The following METTL15 variants were observed in gnomAD, a reference collection of about 807,000 sequenced individuals.
METTL15 encodes the protein methyltransferase 15, mitochondrial 12S rRNA N4-cytidine.
In METTL15, 34 loss-of-function variants were observed where a neutral mutation model predicts 38.3. The observed-to-expected ratio is 0.89, with a 90% CI of 0.68 to 1.18. The LOEUF is 1.18. Among genes scored for constraint, METTL15 ranks in the 50% most tolerant of loss-of-function variants. METTL15 has a pLI of 0.00. For missense variants in METTL15, 438 were observed against 498.4 expected (o/e 0.88, Z 1.15); for synonymous variants, 162 against 170.9 (o/e 0.95, Z 0.41).
chr11:28,464,322 G>T (rs1311209653), intron 6 of METTL15, among the ~76,000 whole-genome samples: 1 of 152,110 alleles, frequency 6.6e-6, no homozygotes, highest in Non-Finnish European at 1.5e-5. Context: ...TCTGAAAAAA[G>T]CCAAATAGTA....
chr11:28,486,381 T>C (rs929620384), intron 6 of METTL15, among the ~76,000 whole-genome samples: 4 of 151,916 alleles, frequency 2.6e-5, no homozygotes, highest in African/African-American at 9.7e-5. Context: ...GAAAAAAGAA[T>C]GTGTTTTTTC....
At chr11:28,501,863 AC>A (rs1348764292) in intron 6 of METTL15, among the ~76,000 whole-genome samples, 1 of 152,058 alleles carries the variant, frequency 6.6e-6, no homozygotes, top group Non-Finnish European at 1.5e-5. Context: ...ACTTTGGGAG[AC>A]CGAGGCAGGC....
At chr11:28,174,389 G>A (rs537505723) in intron 3 of METTL15, among the ~76,000 whole-genome samples, 1 of 152,084 alleles carries the variant, frequency 6.6e-6, no homozygotes, top group Admixed American at 6.5e-5. Flanking sequence ...ATACCGCATT[G>A]TTTTATTTTT....
At chr11:28,470,209 TC>T (rs1343126800) in intron 6 of METTL15, among the ~76,000 whole-genome samples, 2 of 152,140 alleles carry the variant, frequency 1.3e-5, no homozygotes, top group African/African-American at 2.4e-5. Flanking sequence ...GAATGCTTTT[TC>T]CCCCTTGCTC....
intron 6 of METTL15, among the ~76,000 whole-genome samples, chr11:28,310,192 A>G (rs1200176279): frequency 6.6e-6 from 1 of 152,194 alleles, no homozygotes; most frequent in Non-Finnish European, 1.5e-5. Context: ...CTATAAGTAG[A>G]TGGTACTGGA....
At chr11:28,411,547 A>T (rs1850724263) in intron 5 of METTL15, among the ~76,000 whole-genome samples, 1 of 152,052 alleles carries the variant, frequency 6.6e-6, no homozygotes, top group Non-Finnish European at 1.5e-5. Flanking sequence ...CAAAAGAATG[A>T]AATTCAACCC....
chr11:28,488,726 C>G (rs1851457130), intron 6 of METTL15, among the ~76,000 whole-genome samples: 1 of 152,138 alleles, frequency 6.6e-6, no homozygotes, highest in Non-Finnish European at 1.5e-5. Flanking sequence ...TCCTTTAAAT[C>G]AGTCAGATAC....
chr11:28,497,546 G>T (rs988440210), intron 6 of METTL15, among the ~76,000 whole-genome samples: 1 of 152,168 alleles, frequency 6.6e-6, no homozygotes, highest in Non-Finnish European at 1.5e-5. Context: ...TGTTTGTGCT[G>T]CTATAACAGA....
intron 5 of METTL15, among the ~76,000 whole-genome samples, chr11:28,413,021 T>C (rs925446245): frequency 9.9e-5 from 15 of 152,168 alleles, no homozygotes; most frequent in African/African-American, 3.1e-4. Context: ...ATACATCCCA[T>C]AATATCATTT....
At chr11:28,221,984 A>G (rs1043958890) in intron 4 of METTL15, among the ~76,000 whole-genome samples, 1 of 152,186 alleles carries the variant, frequency 6.6e-6, no homozygotes, top group African/African-American at 2.4e-5. Context: ...CCTTCCAGTT[A>G]GGCTACTGAG....
chr11:28,463,193 G>A (rs1359758198), intron 6 of METTL15, among the ~76,000 whole-genome samples: 1 of 151,982 alleles, frequency 6.6e-6, no homozygotes, highest in Non-Finnish European at 1.5e-5. Flanking sequence ...AAAATTTCCA[G>A]AACAATTCCA....
chr11:28,401,748 A>C lies in METTL15; in HGVS notation c.*359-22551A>C, dbSNP rs374967381. Among the ~76,000 whole-genome samples the C allele has an allele frequency of 2.6e-4, 39 of 152,110 alleles. 1 individual carries two copies. The South Asian group carries it at 8.1e-3, about 32-fold the overall frequency. ...TTGGCTAGTTAAGAGTGACTAAAAA[A>C]AAACCACTACTCCTTTGTAATTCAT... On this transcript the variant is annotated intron_variant and NMD_transcript_variant, in intron 5 of 7. Coordinates refer to the METTL15 transcript ENST00000532947.
At chr11:28,532,264 C>G in the METTL15 span, among the ~76,000 whole-genome samples, 1 of 151,934 alleles carries the variant, frequency 6.6e-6, no homozygotes, top group Non-Finnish European at 1.5e-5. Context: ...AGATCAGCAA[C>G]CAGTCTTGAT....
At chr11:28,185,101 A>C (rs948294456) in intron 3 of METTL15, among the ~76,000 whole-genome samples, 1 of 151,504 alleles carries the variant, frequency 6.6e-6, no homozygotes, top group African/African-American at 2.4e-5. Context: ...ACTGTTTTCT[A>C]ATTTTGAAGT....
intron 6 of METTL15, among the ~76,000 whole-genome samples, chr11:28,431,360 T>G (rs1381430279): frequency 1.7e-5 from 2 of 120,828 alleles, no homozygotes; most frequent in Non-Finnish European, 3.6e-5. Context: ...GGGGAAAAGA[T>G]TGAGAAATCG....
intron 3 of METTL15, among the ~76,000 whole-genome samples, chr11:28,173,096 A>G (rs1850918192): frequency 1.3e-5 from 2 of 152,120 alleles, no homozygotes; most frequent in East Asian, 1.9e-4. Context: ...TTAAAAAAAG[A>G]GACAAAATTT....
intron 3 of METTL15, among the ~76,000 whole-genome samples, chr11:28,127,480 G>A (rs569994834): frequency 1.8e-4 from 28 of 152,192 alleles, no homozygotes; most frequent in Admixed American, 1.0e-3. Context: ...GTTTTCTGGC[G>A]CCATGAAGCT....
chr11:28,281,351 T>G (rs1856048094), intron 4 of METTL15, among the ~76,000 whole-genome samples: 2 of 152,184 alleles, frequency 1.3e-5, no homozygotes, highest in African/African-American at 4.8e-5. Flanking sequence ...CTCTAATATT[T>G]ATCTCCTGTA....
chr11:28,408,656 A>G (rs1850697623), intron 5 of METTL15, among the ~76,000 whole-genome samples: 1 of 152,196 alleles, frequency 6.6e-6, no homozygotes, highest in Non-Finnish European at 1.5e-5. Flanking sequence ...TTCAAAGACT[A>G]CTTAATGATG....
Sources: allele counts gnomAD v4.1 joint callset (sites outside exome capture counted in the v4.1 genomes callset), GRCh38; gene constraint gnomAD v4.1.1; transcripts MANE v1.5; gene names NCBI Gene and HGNC (gene_info 2026-07-23, HGNC 2026-07-21).